Variants in MED13L observed in about 807,000 individuals in gnomAD.
The protein encoded by MED13L is mediator complex subunit 13L.
MED13L carries 7 observed loss-of-function variants against 220.9 expected under a neutral mutation model. The observed-to-expected ratio is 0.03, with a 90% CI of 0.02 to 0.06. The LOEUF (loss-of-function observed/expected upper bound fraction) is 0.06. Ranked by LOEUF, MED13L falls within the 10% of genes least tolerant of loss-of-function variation. The pLI, the probability that MED13L is intolerant of heterozygous loss-of-function variation, is 1.00. For synonymous variants in MED13L, 1,011 were observed against 1,015.2 expected, an observed-to-expected ratio of 1.00 and a Z score of 0.08; for missense variants, 1,965 against 2,760.5, an observed-to-expected ratio of 0.71 and a Z score of 6.46.
In MED13L at chr12:116,059,775, C is replaced by T. The variant is rs186694801; in HGVS notation, c.479+36894G>A. 1.1e-3 allele frequency among the ~76,000 whole-genome samples: 168 copies of T among 152,014 alleles called. 2 individuals are homozygous for T. The highest frequency in any genetic ancestry group is 3.9e-4 in the East Asian group (2 of 5,180). On this transcript the variant is annotated intron_variant, in intron 4 of 30. Transcript: ENST00000281928. Reference sequence around the variant, plus strand: ...ATGCTTTTAAATATATTTTTAAATACATATGCTTTTAGATAAATTATTAAA... The same window carrying T: ...ATGCTTTTAAATATATTTTTAAATATATATGCTTTTAGATAAATTATTAAA...
At chr12:116,247,792 GT>G (rs756456520) in intron 1 of MED13L, among the ~76,000 whole-genome samples, 1 of 152,238 alleles carries the variant, frequency 6.6e-6, no homozygotes, top group East Asian at 1.9e-4. Flanking sequence ...TAACTAAAAA[GT>G]ATAAAGATTT....
chr12:115,998,213 C>A (rs1183044522), intron 14 of MED13L, among the ~76,000 whole-genome samples: 1 of 152,146 alleles, frequency 6.6e-6, no homozygotes, highest in African/African-American at 2.4e-5. Context: ...AAAAGTAGAC[C>A]TATTGAAAAG....
chr12:116,175,570 C>A (rs1307935047), intron 2 of MED13L, among the ~76,000 whole-genome samples: 1 of 152,096 alleles, frequency 6.6e-6, no homozygotes, highest in East Asian at 1.9e-4. Context: ...GAGACCTTAA[C>A]TTTTAAGAAA....
intron 4 of MED13L, among the ~76,000 whole-genome samples, chr12:116,065,787 T>C (rs1282394853): frequency 2.0e-5 from 3 of 152,206 alleles, no homozygotes; most frequent in Admixed American, 1.3e-4. Context: ...ATACATTATT[T>C]TATTGCTTGC....
intron 4 of MED13L, among the ~76,000 whole-genome samples, chr12:116,060,070 C>G (rs1869312040): frequency 6.6e-6 from 1 of 152,092 alleles, no homozygotes; most frequent in Non-Finnish European, 1.5e-5. Flanking sequence ...TGCAGTTTCA[C>G]TGCTGGACTG....
Position 115,991,189 on chromosome 12 carries a change from G to T in MED13L, c.3765C>A (p.Pro1255=), listed in dbSNP as rs1878035830. ...YISSNNRQTL[P]CVSWSYDRVQ... ...CCCGGTCATAACTCCAGCTTACACA[G>T]GGAAGAGTTTGGCGATTGTTAGAGG... Residue 1255 remains proline (P), a synonymous_variant, in exon 17 of 31, where the codon CCC becomes CCA. Transcript: ENST00000281928. The surrounding 1 kb of genome is among the most constrained non-coding windows in gnomAD (Gnocchi z 7.7). 27 of 1,614,076 alleles carry T rather than the reference G, an allele frequency of 1.7e-5. No individual in the cohort carries two copies. Among genetic ancestry groups the T allele is most frequent in the Non-Finnish European group, 2.3e-5 (27 of 1,180,048 alleles).
At chr12:116,096,855 C>A in intron 3 of MED13L, 103 bp from the exon 4 acceptor site, 1 of 821,036 alleles carries the variant, frequency 1.2e-6, no homozygotes, top group African/African-American at 1.7e-5. Flanking sequence ...AATAAAAACA[C>A]CACCAATTAA....
At chr12:116,062,496 T>G (rs1358593749) in intron 4 of MED13L, among the ~76,000 whole-genome samples, 1 of 149,032 alleles carries the variant, frequency 6.7e-6, no homozygotes, top group Non-Finnish European at 1.5e-5. Flanking sequence ...GTGTTTTTTT[T>G]TTTTTTTTTT....
chr12:116,126,512 C>A (rs1214542161), intron 2 of MED13L, among the ~76,000 whole-genome samples: 1 of 152,154 alleles, frequency 6.6e-6, no homozygotes, highest in Admixed American at 6.5e-5. Context: ...TCAACCAGGA[C>A]AGCTGCAGTT....
rs1421105566 is a variant in MED13L at position 116,096,869 on chromosome 12, AT to A, written c.396-118del. 3 of 754,942 alleles carry A rather than the reference AT, an allele frequency of 4.0e-6. No homozygotes were observed. In the African/African-American group the frequency reaches 5.3e-5, roughly 13 times the overall value. 46.8% of individuals were successfully genotyped at this position (754,942 alleles called of 1,614,324 possible). A position where few individuals can be genotyped will look rare whatever the true frequency, so the allele number is the denominator to read the frequency against. ...AAATAAAAACACCACCAATTAAACT[AT>A]CAAAATGTTTTATCACTTAAAATTT... is the stretch of plus-strand genomic sequence containing the variant. On this transcript the variant is annotated intron_variant, in intron 3 of 30. Transcript: ENST00000281928.
chr12:116,236,470 T>G, intron 2 of MED13L, among the ~76,000 whole-genome samples: 1 of 151,472 alleles, frequency 6.6e-6, no homozygotes, highest in African/African-American at 2.4e-5. Context: ...GAACAGAGCC[T>G]CGAACATACA....
intron 1 of MED13L, among the ~76,000 whole-genome samples, chr12:116,265,821 C>G (rs1484214352): frequency 6.6e-6 from 1 of 152,174 alleles, no homozygotes; most frequent in Admixed American, 6.5e-5. Context: ...CAATAAAGAT[C>G]CTCAAGAATA....
At chr12:116,204,302 C>T (rs1882182806) in intron 2 of MED13L, among the ~76,000 whole-genome samples, 1 of 152,214 alleles carries the variant, frequency 6.6e-6, no homozygotes, top group African/African-American at 2.4e-5. Flanking sequence ...GTGATTCAGA[C>T]CAGCTGCTCA....
intron 9 of MED13L, among the ~76,000 whole-genome samples, chr12:116,011,895 T>C (rs1221256382): frequency 6.6e-6 from 1 of 152,212 alleles, no homozygotes; most frequent in Non-Finnish European, 1.5e-5. Context: ...CGCAGCAGTC[T>C]GCATATATGC....
chr12:116,086,847 G>A (rs1042753748), intron 4 of MED13L, among the ~76,000 whole-genome samples: 3 of 152,034 alleles, frequency 2.0e-5, no homozygotes, highest in African/African-American at 7.2e-5. Flanking sequence ...GAACCACAAT[G>A]CTAGTAAACA....
intron 4 of MED13L, among the ~76,000 whole-genome samples, chr12:116,054,212 A>AC (rs1491212189): frequency 1.2e-4 from 16 of 132,880 alleles, no homozygotes; most frequent in Non-Finnish European, 1.9e-4. Flanking sequence ...ACACACACAC[A>AC]AACACACACA....
chr12:116,189,049 G>A (rs899960374), intron 2 of MED13L, among the ~76,000 whole-genome samples: 1 of 152,116 alleles, frequency 6.6e-6, no homozygotes. Flanking sequence ...ACAAACATAC[G>A]TTTTCACTTC....
At chr12:116,064,367 T>C (rs1426943255) in intron 4 of MED13L, among the ~76,000 whole-genome samples, 2 of 152,202 alleles carry the variant, frequency 1.3e-5, no homozygotes, top group South Asian at 2.1e-4. Context: ...CAACCGAGTA[T>C]GTACAGACGT....
At chr12:116,098,589 T>C (rs1002878709) in intron 3 of MED13L, among the ~76,000 whole-genome samples, 9 of 151,974 alleles carry the variant, frequency 5.9e-5, no homozygotes, top group Non-Finnish European at 1.3e-4. Flanking sequence ...TGAATGGTAA[T>C]AGTTTCTGAT....
Sources: gnomAD v4.1 joint callset for allele counts (sites outside exome capture counted in the v4.1 genomes callset) on GRCh38, gnomAD v4.1.1 for gene constraint, Gnocchi (gnomAD v3.1) non-coding constraint, MANE v1.5 for transcripts, NCBI Gene and HGNC (gene_info 2026-07-23, HGNC 2026-07-21) for gene names.